POM121: variants seen among roughly 807,000 people sequenced by gnomAD.
POM121 encodes nuclear envelope pore membrane protein POM 121.
In POM121, 32 loss-of-function variants were observed where a neutral mutation model predicts 81.3. The observed-to-expected ratio is 0.39, with a 90% CI of 0.30 to 0.53. POM121 has a LOEUF of 0.53. POM121 is among the 20% of genes least tolerant of loss of function. The probability of loss-of-function intolerance (pLI) is 0.66; values close to 1 mark genes in which losing one functional copy is unlikely to be tolerated. For synonymous variants in POM121, 514 were observed against 694.2 expected, an observed-to-expected ratio of 0.74 and a Z score of 4.08; for missense variants, 1,138 against 1,614.6, an observed-to-expected ratio of 0.70 and a Z score of 5.06.
chr7:72,948,546 G>T (rs1554503899), downstream of POM121: 1 of 1,613,514 alleles, frequency 6.2e-7, no homozygotes, highest in Middle Eastern at 1.6e-4. Flanking sequence ...TTCTCTTTGG[G>T]GCTGGGCTGG....
chr7:72,904,958 T>C (rs1428920485), intron 3 of POM121, among the ~76,000 whole-genome samples: 4 of 152,166 alleles, frequency 2.6e-5, no homozygotes, highest in South Asian at 2.1e-4. Flanking sequence ...CACCATGGGG[T>C]GAACCGCGCC....
intron 4 of POM121, 152 bp downstream of exon 4, chr7:72,928,617 C>T: frequency 1.2e-6 from 1 of 850,618 alleles, no homozygotes; most frequent in East Asian, 2.6e-5. Context: ...AGTAACTTGC[C>T]ACAGTTAACT....
At chr7:72,886,710 AAT>A in intron 1 of POM121, among the ~76,000 whole-genome samples, 1 of 152,046 alleles carries the variant, frequency 6.6e-6, no homozygotes, top group South Asian at 2.1e-4. Flanking sequence ...CAGTGCTTTA[AAT>A]ATGTTTCTCT....
At chr7:72,882,341 A>G (rs1790244796) in intron 1 of POM121, among the ~76,000 whole-genome samples, 1 of 152,232 alleles carries the variant, frequency 6.6e-6, no homozygotes, top group Admixed American at 6.5e-5. Flanking sequence ...ACAATTGGAC[A>G]TGAGATTTGG....
chr7:72,899,017 C>T (rs1792294505), intron 3 of POM121, among the ~76,000 whole-genome samples: 1 of 103,668 alleles, frequency 9.6e-6, no homozygotes, highest in Non-Finnish European at 1.8e-5. Context: ...GACAGAGTCT[C>T]TGTTGCCCAG....
intron 12 of POM121, 84 bp downstream of exon 12, chr7:72,945,792 C>G: frequency 6.6e-7 from 1 of 1,520,970 alleles, no homozygotes; most frequent in East Asian, 2.4e-5. Context: ...CCTCTGAGGC[C>G]CGGTGAAGAT....
intron 3 of POM121, among the ~76,000 whole-genome samples, chr7:72,902,975 C>A (rs2129575738): frequency 6.6e-6 from 1 of 152,258 alleles, no homozygotes; most frequent in East Asian, 1.9e-4. Flanking sequence ...TTGTCTAGTA[C>A]TTTCAATGTC....
chr7:72,925,661 ACCGCCGCGCTCCCCCCCGCCCTCCCCG>A lies in POM121; in HGVS notation c.544_570del (p.Pro182_Pro190del). 8.0e-6 allele frequency: 1 copy of A among 125,174 alleles called. No homozygotes were observed. Among genetic ancestry groups the A allele is most frequent in the Non-Finnish European group, 9.7e-6 (1 of 102,770 alleles). The allele number at this position is 125,174 out of a possible 1,614,324, so 7.8% of individuals were successfully genotyped here. A position where few individuals can be genotyped will look rare whatever the true frequency, so the allele number is the denominator to read the frequency against. ...CGCGCTCCCCACCGCCGCGCTCCCCACCGCCGCGCTCCCCCCCGCCCTCCCCGCCGACCCATCGCGCTCACCACGTTT... is the reference window on the plus strand; with the variant it reads ...CGCGCTCCCCACCGCCGCGCTCCCCACCGACCCATCGCGCTCACCACGTTT... On this transcript the variant is annotated inframe_deletion, in exon 1 of 13. Transcript: ENST00000434423.
intron 3 of POM121, among the ~76,000 whole-genome samples, chr7:72,898,659 G>A (rs553943175): frequency 9.2e-5 from 14 of 152,112 alleles, no homozygotes; most frequent in Middle Eastern, 3.4e-3. Context: ...TTAGCCAGGT[G>A]TGGTGGTGGG....
rs1336552367 is a variant in POM121, at chr7:72,925,108, G to C, written c.-14G>C. On this transcript the variant is annotated 5_prime_UTR_variant, in exon 1 of 13. Transcript: ENST00000434423. ...GCTGGGATATTTAAGTCTCCTCCGCGGCGCGGAGCCGCGATGTCTCCGGCG... is the reference window on the plus strand; with the variant it reads ...GCTGGGATATTTAAGTCTCCTCCGCCGCGCGGAGCCGCGATGTCTCCGGCG... 20 of 1,399,676 alleles carry C rather than the reference G, an allele frequency of 1.4e-5. 1 individual carries two copies. Among genetic ancestry groups the C allele is most frequent in the East Asian group, 8.9e-5 (3 of 33,876 alleles). 86.7% of individuals were successfully genotyped at this position (1,399,676 alleles called of 1,614,324 possible).
At chr7:72,928,735 G>A (rs1294117993) in intron 4 of POM121, among the ~76,000 whole-genome samples, 1 of 151,694 alleles carries the variant, frequency 6.6e-6, no homozygotes, top group Non-Finnish European at 1.5e-5. Context: ...TACACAGAAG[G>A]ATTGCAAAGT....
chr7:72,933,860 A>G (rs1371497016), intron 5 of POM121, among the ~76,000 whole-genome samples: 5 of 152,230 alleles, frequency 3.3e-5, no homozygotes, highest in Non-Finnish European at 7.3e-5. Flanking sequence ...AAGTTGGAAT[A>G]TACTATGTAA....
chr7:72,902,255 C>CTTTTTTTTTTT (rs1210238081), intron 3 of POM121, among the ~76,000 whole-genome samples: 21 of 126,598 alleles, frequency 1.7e-4, no homozygotes, highest in Admixed American at 2.4e-4. Flanking sequence ...CTTTTTCTTT[C>CTTTTTTTTTTT]TTTTTTTTTT....
intron 1 of POM121, among the ~76,000 whole-genome samples, chr7:72,884,275 T>TA (rs1302595104): frequency 6.6e-6 from 1 of 152,118 alleles, no homozygotes; most frequent in Non-Finnish European, 1.5e-5. Flanking sequence ...GTTTCTAAAA[T>TA]ATTGAGTAGG....
intron 1 of POM121, among the ~76,000 whole-genome samples, chr7:72,890,424 C>G (rs1247425799): frequency 1.3e-5 from 2 of 152,088 alleles, no homozygotes; most frequent in African/African-American, 2.4e-5. Flanking sequence ...AATAGGAGCT[C>G]AGTTGTGTTT....
At chr7:72,948,850 C>T (rs782423235), downstream of POM121, 33 of 1,575,578 alleles carry the variant, frequency 2.1e-5, no homozygotes, top group Non-Finnish European at 2.9e-5. Flanking sequence ...GAGAGCAGTT[C>T]ACCCCATCCC....
At chr7:72,894,644 AGAGAG>A (rs1791715325) in intron 3 of POM121, among the ~76,000 whole-genome samples, 5,283 of 135,248 alleles carry the variant, frequency 0.039, 240 homozygotes, top group Non-Finnish European at 0.06. Context: ...AGAGAGAGAG[AGAGAG>A]AGAGAGAGAG....
rs782643943 is a variant in POM121 at position 72,925,513 on chromosome 7, C to G, written c.392C>G (p.Pro131Arg). 8.5e-6 allele frequency: 13 copies of G among 1,533,406 alleles called. No homozygotes were observed. The South Asian group carries it at 1.1e-4, about 13-fold the overall frequency. 95.0% of individuals were successfully genotyped at this position (1,533,406 alleles called of 1,614,324 possible). A position where few individuals can be genotyped will look rare whatever the true frequency, so the allele number is the denominator to read the frequency against. Residue 131 changes from proline to arginine, a missense_variant, in exon 1 of 13, where the codon CCT becomes CGT. This residue lies in a region of POM121 where 646 missense variants were observed against 633.5 expected (regional missense o/e 1.02). Coordinates refer to ENST00000434423, the MANE Select transcript of POM121 (RefSeq NM_001387691.1). ...CGGACCCTGCTCGAAGGACCTGACCCTGCGGAACTGCTACTCATGGGCAGT... is the reference window on the plus strand; with the variant it reads ...CGGACCCTGCTCGAAGGACCTGACCGTGCGGAACTGCTACTCATGGGCAGT... ...EPRTLLEGPD[P>R]AELLLMGSYL...
Position 72,935,528 on chromosome 7 carries a change from T to A in POM121, c.1276-3062T>A, listed in dbSNP as rs2429265. 3.9e-5 allele frequency among the ~76,000 whole-genome samples: 6 copies of A among 152,156 alleles called. 1 individual carries two copies. Among genetic ancestry groups the A allele is most frequent in the Non-Finnish European group, 8.8e-5 (6 of 68,026 alleles). ...TCTTCTCTGTAGAGGTTTTACTTCT[T>A]TTTTATTAGATTTACAATCTCGGCT... On this transcript the variant is annotated intron_variant, in intron 5 of 12. Coordinates refer to ENST00000434423, the MANE Select transcript of POM121 (RefSeq NM_001387691.1).
Sources: gnomAD v4.1 joint callset for allele counts (sites outside exome capture counted in the v4.1 genomes callset) on GRCh38, gnomAD v4.1.1 for gene constraint, gnomAD v4.1.1 regional missense constraint, MANE v1.5 for transcripts, NCBI Gene and HGNC (gene_info 2026-07-23, HGNC 2026-07-21) for gene names.